Variants in GHR observed in about 807,000 individuals in gnomAD.
The protein encoded by GHR is growth hormone receptor, also known as GH receptor.
GHR carries 35 observed loss-of-function variants against 67.1 expected under a neutral mutation model. That is an observed-to-expected ratio of 0.52 (90% CI 0.40 to 0.69). The LOEUF (loss-of-function observed/expected upper bound fraction) is 0.69, where lower values mean the gene tolerates loss of function less well. Among genes scored for constraint, GHR ranks in the 30% least tolerant of loss-of-function variants. GHR has a pLI of 0.00. For synonymous variants in GHR, 272 were observed against 269.1 expected (o/e 1.01, Z -0.10); for missense variants, 792 against 764.6 (o/e 1.04, Z -0.42).
chr5:42,562,830 T>C (rs2112463906), intron 1 of GHR, among the ~76,000 whole-genome samples: 2 of 152,090 alleles, frequency 1.3e-5, no homozygotes, highest in Middle Eastern at 6.8e-3. Flanking sequence ...TTTGTATTTT[T>C]AGTAGAGACG....
intron 6 of GHR, among the ~76,000 whole-genome samples, chr5:42,706,026 TC>T (rs1758160395): frequency 6.6e-6 from 1 of 152,190 alleles, no homozygotes; most frequent in South Asian, 2.1e-4. Flanking sequence ...ATATAAGTGT[TC>T]CCTTTTCTTT....
intron 2 of GHR, among the ~76,000 whole-genome samples, chr5:42,579,149 GATATAGATAGAT>G (rs1751000483): frequency 1.8e-5 from 1 of 55,918 alleles, no homozygotes; most frequent in African/African-American, 8.7e-5. Flanking sequence ...ATGATAGATA[GATATAGATAGAT>G]AGATAGATAG....
At chr5:42,647,500 G>A (rs912349306) in intron 3 of GHR, among the ~76,000 whole-genome samples, 3 of 151,532 alleles carry the variant, frequency 2.0e-5, no homozygotes, top group Admixed American at 6.6e-5. Flanking sequence ...CATGAACCCG[G>A]GAGGCAGAGC....
chr5:42,721,787 T>C lies in GHR; in HGVS notation c.*2363T>C, dbSNP rs1202820868. ...ATTTAACTCTCTTTATGTCTGTGGA[T>C]TTTTTCCTTCAAAGTTTAATAAATT... On this transcript the variant is annotated 3_prime_UTR_variant, in exon 10 of 10. Transcript: ENST00000230882. 6.6e-6 allele frequency: 1 copy of C among 152,644 alleles called. No homozygotes were observed. Among genetic ancestry groups the C allele is most frequent in the African/African-American group, 2.4e-5 (1 of 41,452 alleles). 9.5% of individuals were successfully genotyped at this position (152,644 alleles called of 1,614,324 possible). A position where few individuals can be genotyped will look rare whatever the true frequency, so the allele number is the denominator to read the frequency against.
chr5:42,707,697 CTG>C (rs141381999), intron 6 of GHR, among the ~76,000 whole-genome samples: 3 of 151,168 alleles, frequency 2.0e-5, no homozygotes, highest in Non-Finnish European at 3.0e-5. Flanking sequence ...TCCTAGGTTT[CTG>C]TGTGTGTGTG....
chr5:42,668,911 TAA>T (rs1448476113), intron 3 of GHR, among the ~76,000 whole-genome samples: 1 of 152,218 alleles, frequency 6.6e-6, no homozygotes, highest in African/African-American at 2.4e-5. Context: ...TGAAAAATCC[TAA>T]GTCAATCCAT....
chr5:42,466,878 CCTTA>C (rs1744754730), intron 1 of GHR: 1 of 1,461,222 alleles, frequency 6.8e-7, no homozygotes, highest in Non-Finnish European at 9.1e-7. Context: ...TCTTCCTCTT[CCTTA>C]CTTGTTGTTC....
Position 42,434,658 on chromosome 5 carries a change from T to C in GHR, c.-12+10703T>C, listed in dbSNP as rs546127408. Among the ~76,000 whole-genome samples, 11 of 152,336 alleles carry C rather than the reference T, an allele frequency of 7.2e-5. No homozygotes were observed. In the Middle Eastern group the frequency reaches 0.01, roughly 141 times the overall value. On this transcript the variant is annotated intron_variant, in intron 1 of 9. Transcript: ENST00000230882. ...ATTAACATGGGCTATAACTATGGAA[T>C]AGCATGTTGTTTATCTCTGCCATTT...
chr5:42,600,123 G>C (rs1752295423), intron 2 of GHR, among the ~76,000 whole-genome samples: 1 of 152,186 alleles, frequency 6.6e-6, no homozygotes, highest in African/African-American at 2.4e-5. Flanking sequence ...GGAGGGATTT[G>C]GTGAGTGAGG....
chr5:42,648,046 G>T (rs1754831448), intron 3 of GHR, among the ~76,000 whole-genome samples: 1 of 152,108 alleles, frequency 6.6e-6, no homozygotes, highest in East Asian at 1.9e-4. Context: ...AAAGACCAGA[G>T]ATTTTCAGCA....
chr5:42,437,188 T>C (rs1438904127), intron 1 of GHR, among the ~76,000 whole-genome samples: 1 of 152,170 alleles, frequency 6.6e-6, no homozygotes, highest in African/African-American at 2.4e-5. Flanking sequence ...CCCTTTAGAG[T>C]CTAATGTTTA....
At chr5:42,525,248 G>A (rs568419988) in intron 1 of GHR, among the ~76,000 whole-genome samples, 424 of 152,280 alleles carry the variant, frequency 2.8e-3, no homozygotes, top group South Asian at 4.8e-3. Flanking sequence ...GAGTAGAGCC[G>A]CCCAAGACCA....
At chr5:42,501,411 A>G (rs1174359464) in intron 1 of GHR, among the ~76,000 whole-genome samples, 3 of 152,078 alleles carry the variant, frequency 2.0e-5, no homozygotes, top group Admixed American at 2.0e-4. Flanking sequence ...TGATATTAAG[A>G]GTGTCTATGA....
chr5:42,463,039 T>G (rs543510892), intron 1 of GHR, among the ~76,000 whole-genome samples: 21 of 152,322 alleles, frequency 1.4e-4, no homozygotes, highest in African/African-American at 4.8e-4. Flanking sequence ...ATTTATTATT[T>G]TAAGGTTCAT....
intron 1 of GHR, among the ~76,000 whole-genome samples, chr5:42,428,545 C>A (rs968392200): frequency 6.6e-6 from 1 of 152,140 alleles, no homozygotes; most frequent in African/African-American, 2.4e-5. Flanking sequence ...ATGGGTTTTT[C>A]TTTTCTATGG....
chr5:42,493,062 T>C (rs1030934121), intron 1 of GHR, among the ~76,000 whole-genome samples: 3 of 152,212 alleles, frequency 2.0e-5, no homozygotes, highest in Admixed American at 6.5e-5. Context: ...GAAACTGTAT[T>C]ATTTGGTACA....
chr5:42,569,378 T>C (rs1277615224), intron 2 of GHR, among the ~76,000 whole-genome samples: 1 of 152,222 alleles, frequency 6.6e-6, no homozygotes, highest in Non-Finnish European at 1.5e-5. Context: ...TTTGTAATTA[T>C]TCCCTTTGGA....
chr5:42,568,302 G>A (rs1413476419), intron 2 of GHR, among the ~76,000 whole-genome samples: 1 of 152,256 alleles, frequency 6.6e-6, no homozygotes, highest in Non-Finnish European at 1.5e-5. Flanking sequence ...TATTGTGTTA[G>A]CTAAAGTGTT....
chr5:42,468,702 G>T (rs1051812419), intron 1 of GHR: 8 of 974,380 alleles, frequency 8.2e-6, no homozygotes, highest in African/African-American at 1.6e-5. Flanking sequence ...CTGGGTCGCA[G>T]CCTGAGCTGC....
Sources: allele counts gnomAD v4.1 joint callset (sites outside exome capture counted in the v4.1 genomes callset), GRCh38; gene constraint gnomAD v4.1.1; transcripts MANE v1.5; gene names NCBI Gene and HGNC (gene_info 2026-07-23, HGNC 2026-07-21).